Variants in PDS5A observed in about 807,000 individuals in gnomAD.
PDS5A encodes sister chromatid cohesion protein PDS5 homolog A.
In PDS5A, 42 loss-of-function variants were observed where a neutral mutation model predicts 167.1. That is an observed-to-expected ratio of 0.25 (90% CI 0.20 to 0.33). The LOEUF (loss-of-function observed/expected upper bound fraction) is 0.33. Among genes scored for constraint, PDS5A ranks in the 10% least tolerant of loss-of-function variants. PDS5A has a pLI of 1.00. For synonymous variants in PDS5A, 553 were observed against 554.6 expected (o/e 1.00, Z 0.04); for missense variants, 1,033 against 1,605.9 (o/e 0.64, Z 6.10).
At chr4:39,924,955 T>C (rs1475071722) in intron 5 of PDS5A, among the ~76,000 whole-genome samples, 1 of 151,892 alleles carries the variant, frequency 6.6e-6, no homozygotes, top group Non-Finnish European at 1.5e-5. Context: ...CTACTAAAAA[T>C]ACAAAAATTA....
chr4:39,841,252 G>T (rs1398003699), intron 31 of PDS5A, among the ~76,000 whole-genome samples: 1 of 151,934 alleles, frequency 6.6e-6, no homozygotes, highest in Non-Finnish European at 1.5e-5. Context: ...CAATTCTCCT[G>T]CCTCAGCCTC....
chr4:39,876,970 C>T (rs970920529), intron 19 of PDS5A, 23 bp downstream of exon 19: 3 of 1,570,818 alleles, frequency 1.9e-6, no homozygotes, highest in Non-Finnish European at 2.6e-6. Flanking sequence ...TTGTATTTAC[C>T]ACGGGAGAAA....
chr4:39,976,513 T>A lies in PDS5A; in HGVS notation c.65A>T (p.Lys22Met). Residue 22 changes from lysine (K) to methionine (M), a missense_variant, in exon 2 of 33, where the codon AAG becomes ATG. Lys to Met is a moderately conservative substitution (Grantham distance 95). Transcript: ENST00000303538. ...TTTTACCCCCGGAGGGTAAGCGATC[T>A]TCCCGTCGGCACTCACGACGCCACA... Reference protein sequence around the residue: ...ALCGVVSADGKIAYPPGVKEI... With the variant: ...ALCGVVSADGMIAYPPGVKEI... The A allele has an allele frequency of 6.2e-7, 1 of 1,613,546 alleles. No individual in the cohort carries two copies. The highest frequency in any genetic ancestry group is 8.5e-7 in the Non-Finnish European group (1 of 1,179,524).
At chr4:39,831,212 C>A (rs1715832655) in intron 32 of PDS5A, among the ~76,000 whole-genome samples, 1 of 152,218 alleles carries the variant, frequency 6.6e-6, no homozygotes, top group Non-Finnish European at 1.5e-5. Flanking sequence ...AATTCTTCTG[C>A]CTCAGCCTAC....
chr4:39,930,246 A>AAAATTTTT, intron 2 of PDS5A, among the ~76,000 whole-genome samples: 3 of 93,086 alleles, frequency 3.2e-5, no homozygotes, highest in Admixed American at 1.1e-4. Flanking sequence ...AAAAAAAAAA[A>AAAATTTTT]GTTTTTTTGT....
At chr4:39,950,466 C>G (rs1728244200) in intron 2 of PDS5A, among the ~76,000 whole-genome samples, 1 of 152,026 alleles carries the variant, frequency 6.6e-6, no homozygotes, top group Non-Finnish European at 1.5e-5. Context: ...TGGCCAGGCA[C>G]AGTGGCTCCC....
intron 14 of PDS5A, among the ~76,000 whole-genome samples, chr4:39,899,441 G>T (rs1357427521): frequency 6.6e-5 from 10 of 152,168 alleles, no homozygotes; most frequent in Non-Finnish European, 1.3e-4. Context: ...ATATAGTCAT[G>T]TCCATTCATT....
chr4:39,881,201 A>G (rs1278820131), intron 17 of PDS5A, among the ~76,000 whole-genome samples: 3 of 152,042 alleles, frequency 2.0e-5, no homozygotes, highest in Non-Finnish European at 4.4e-5. Context: ...TTACCCATTC[A>G]TTCCTTGGAC....
chr4:39,874,573 C>A (rs1720311181), intron 19 of PDS5A, among the ~76,000 whole-genome samples, 161 bp from the exon 20 acceptor site: 1 of 152,058 alleles, frequency 6.6e-6, no homozygotes, highest in Non-Finnish European at 1.5e-5. Flanking sequence ...TCCATCTCTG[C>A]CCCCAAGTAT....
At chr4:39,873,598 C>T (rs1720230764) in intron 20 of PDS5A, among the ~76,000 whole-genome samples, 1 of 142,060 alleles carries the variant, frequency 7.0e-6, no homozygotes, top group African/African-American at 2.5e-5. Flanking sequence ...TGAGGCCAGT[C>T]ATTATATGTA....
chr4:39,849,905 C>A (rs1450283527), intron 26 of PDS5A, among the ~76,000 whole-genome samples: 1 of 152,018 alleles, frequency 6.6e-6, no homozygotes, highest in African/African-American at 2.4e-5. Context: ...TAAAGATTCA[C>A]CCTAGCTGGA....
rs58913167 is a variant in PDS5A, at chr4:39,831,875, CAAAAAAAAAAAAAAA to C, written c.4010+5966_4010+5980del. 1.9e-4 allele frequency among the ~76,000 whole-genome samples: 5 copies of C among 25,934 alleles called. 1 individual carries two copies. The highest frequency in any genetic ancestry group is 3.3e-4 in the Non-Finnish European group (5 of 15,086). 17.0% of individuals were successfully genotyped at this position (25,934 alleles called of 152,430 possible). On this transcript the variant is annotated intron_variant, in intron 32 of 32. Transcript: ENST00000303538. ...TAGGCAACAAGAGCGAAACTCGTCT[CAAAAAAAAAAAAAAA>C]AAAAAAAAAAAAAAGAATATTAGGG...
chr4:39,837,789 C>G (rs1716565360), intron 32 of PDS5A, 67 bp downstream of exon 32: 2 of 1,227,436 alleles, frequency 1.6e-6, no homozygotes, highest in South Asian at 3.0e-5. Context: ...GTGACTGGCA[C>G]TAAGAATATA....
chr4:39,975,134 C>T (rs1730963907), intron 2 of PDS5A, among the ~76,000 whole-genome samples: 1 of 149,214 alleles, frequency 6.7e-6, no homozygotes, highest in African/African-American at 2.5e-5. Flanking sequence ...AAAAATTTAG[C>T]CGGGTGTGGT....
In PDS5A at chr4:39,825,716, T is replaced by C. The variant is rs572580504; in HGVS notation, c.4011-228A>G. 5.9e-5 allele frequency among the ~76,000 whole-genome samples: 9 copies of C among 152,168 alleles called. No homozygotes were observed. In the South Asian group the frequency reaches 1.9e-3, roughly 32 times the overall value. On this transcript the variant is annotated intron_variant, in intron 32 of 32. Transcript: ENST00000303538. ...GGTCCTCCAGGCTCAGCGTCCAGCC[T>C]GAGCCTCCCAAATAGCTAGAACTAT...
At chr4:39,875,998 C>A (rs532495162) in intron 19 of PDS5A, among the ~76,000 whole-genome samples, 19 of 152,030 alleles carry the variant, frequency 1.2e-4, no homozygotes, top group African/African-American at 4.6e-4. Context: ...TTTCTGCTTT[C>A]CAGTGATTAT....
At chr4:39,897,899 A>AT in intron 16 of PDS5A, 1 of 329,862 alleles carries the variant, frequency 3.0e-6, no homozygotes. Flanking sequence ...AAATGAATGC[A>AT]TAAGTTTTCC....
intron 19 of PDS5A, among the ~76,000 whole-genome samples, chr4:39,875,808 A>G (rs561982231): frequency 2.6e-5 from 4 of 152,274 alleles, no homozygotes; most frequent in South Asian, 2.1e-4. Context: ...GAGATTTCTT[A>G]TAACACTGGT....
chr4:39,962,338 A>G (rs111957349), intron 2 of PDS5A, among the ~76,000 whole-genome samples: 3,112 of 151,886 alleles, frequency 0.02, 72 homozygotes, highest in African/African-American at 0.06. Context: ...TTACAGGCGT[A>G]AGCCACCGCG....
Sources: allele counts gnomAD v4.1 joint callset (sites outside exome capture counted in the v4.1 genomes callset), GRCh38; gene constraint gnomAD v4.1.1; transcripts MANE v1.5; gene names NCBI Gene and HGNC (gene_info 2026-07-23, HGNC 2026-07-21).